Variants in SSU72 observed in about 807,000 individuals in gnomAD.
SSU72 encodes RNA polymerase II subunit A C-terminal domain phosphatase SSU72.
SSU72 carries 12 observed loss-of-function variants against 22.7 expected under a neutral mutation model. That is an observed-to-expected ratio of 0.53 (90% confidence interval 0.34 to 0.86). The LOEUF (loss-of-function observed/expected upper bound fraction) is 0.86. Among genes scored for constraint, SSU72 ranks in the 40% least tolerant of loss-of-function variants. The probability of loss-of-function intolerance (pLI) is 0.02; values close to 1 mark genes in which losing one functional copy is unlikely to be tolerated. For missense variants in SSU72, 151 were observed against 249.8 expected (o/e 0.60, Z 2.67); for synonymous variants, 116 against 98.3 (o/e 1.18, Z -1.06).
intron 2 of SSU72, among the ~76,000 whole-genome samples, chr1:1,557,605 GC>G (rs1305372860): frequency 6.6e-6 from 1 of 151,966 alleles, no homozygotes; most frequent in Non-Finnish European, 1.5e-5. Context: ...GACATGTCTG[GC>G]CAACGTGGTG....
At chr1:1,573,527 T>C (rs1435248079) in intron 1 of SSU72, among the ~76,000 whole-genome samples, 2 of 152,116 alleles carry the variant, frequency 1.3e-5, no homozygotes, top group East Asian at 1.9e-4. Context: ...GGGGTGTTTT[T>C]TGGTCTCCAA....
chr1:1,547,701 G>A (rs1034630610), intron 2 of SSU72, among the ~76,000 whole-genome samples: 13 of 152,210 alleles, frequency 8.5e-5, no homozygotes, highest in Admixed American at 2.0e-4. Context: ...CGGGTGAGGC[G>A]GGGCCTTCAA....
Position 1,545,019 on chromosome 1 carries a change from A to G in SSU72, c.225-17T>C. ...TGTGTATAGCTACACATGGGAGTTA[A>G]GGAACGTCAGAGAAAAGGCATCTGT... is the stretch of plus-strand genomic sequence containing the variant. On this transcript the variant is annotated splice_polypyrimidine_tract_variant and intron_variant, in intron 2 of 4. Transcript: ENST00000291386. 1 of 1,610,234 alleles carries G rather than the reference A, an allele frequency of 6.2e-7. No individual in the cohort carries two copies. The highest frequency in any genetic ancestry group is 8.5e-7 in the Non-Finnish European group (1 of 1,177,200).
chr1:1,550,802 T>C (rs137998682), intron 2 of SSU72, among the ~76,000 whole-genome samples: 596 of 152,134 alleles, frequency 3.9e-3, no homozygotes, highest in Admixed American at 8.6e-3. Flanking sequence ...GGCCTGGTGG[T>C]TCATCAGCAG....
At chr1:1,553,696 C>CAGG (rs1642482283) in intron 2 of SSU72, among the ~76,000 whole-genome samples, 1 of 149,648 alleles carries the variant, frequency 6.7e-6, no homozygotes, top group Non-Finnish European at 1.5e-5. Context: ...GAGGCCAAGG[C>CAGG]AGGAGAATGG....
At chr1:1,574,405 C>A (rs1642781218) in intron 1 of SSU72, 73 bp downstream of exon 1, 1 of 1,493,756 alleles carries the variant, frequency 6.7e-7, no homozygotes, top group East Asian at 2.7e-5. Flanking sequence ...TGGCGCGGGC[C>A]AGGGGGAACC....
At chr1:1,573,265 CAA>C (rs57824669) in intron 1 of SSU72, among the ~76,000 whole-genome samples, 11,111 of 131,248 alleles carry the variant, frequency 0.085, 693 homozygotes, top group Admixed American at 0.19. Flanking sequence ...ACTAAAAATA[CAA>C]AAAAAAAAAA....
intron 1 of SSU72, among the ~76,000 whole-genome samples, chr1:1,573,123 T>C (rs1383645648): frequency 2.0e-5 from 3 of 149,126 alleles, no homozygotes; most frequent in Non-Finnish European, 4.5e-5. Context: ...GCTCCGTCTC[T>C]ACTAAAAATA....
intron 1 of SSU72, 130 bp from the exon 2 acceptor site, chr1:1,565,046 A>G (rs1642641150): frequency 1.5e-6 from 2 of 1,296,904 alleles, no homozygotes; most frequent in African/African-American, 1.5e-5. Flanking sequence ...ATGTCTTCAA[A>G]TTTTTAATCT....
intron 2 of SSU72, 97 bp from the exon 3 acceptor site, chr1:1,545,099 C>A (rs1251286706): frequency 3.5e-6 from 5 of 1,440,052 alleles, no homozygotes; most frequent in African/African-American, 2.8e-5. Context: ...CCCTGCCCCA[C>A]AGCAGAGGCA....
chr1:1,543,591 G>T (rs112703955), intron 4 of SSU72, among the ~76,000 whole-genome samples: 5,230 of 141,118 alleles, frequency 0.037, 518 homozygotes, highest in African/African-American at 0.16. Context: ...CTCAGGTCTC[G>T]GCCACTCCCC....
At position 1,571,565 on chromosome 1, in the gene SSU72, T is replaced by C. The variant is rs539533160; in HGVS notation, c.80+2913A>G. Reference sequence around the variant, plus strand: ...ACTCTCTTCTGAGTCTACTCTTTTATGAGTAAATTTGAATGATGGCGGCAC... The same window carrying C: ...ACTCTCTTCTGAGTCTACTCTTTTACGAGTAAATTTGAATGATGGCGGCAC... On this transcript the variant is annotated intron_variant, in intron 1 of 4. Coordinates refer to ENST00000291386, the MANE Select transcript of SSU72 (RefSeq NM_014188.3). Among the ~76,000 whole-genome samples, 233 of 152,266 alleles carry C rather than the reference T, an allele frequency of 1.5e-3. 1 individual carries two copies. The highest frequency in any genetic ancestry group is 5.3e-3 in the African/African-American group (219 of 41,556).
rs1478660433 is a variant in SSU72 at position 1,554,858 on chromosome 1, C to T, written c.225-9856G>A. Among the ~76,000 whole-genome samples, 2 of 152,166 alleles carry T rather than the reference C, an allele frequency of 1.3e-5. No homozygotes were observed. Among genetic ancestry groups the T allele is most frequent in the African/African-American group, 2.4e-5 (1 of 41,436 alleles). ...TGCCGGCGCCAGCCCCACGTACCCC[C>T]GACCACCTCAGCTCCTGGCCCTCAG... On this transcript the variant is annotated intron_variant, in intron 2 of 4. Transcript: ENST00000291386. This position sits in a 1 kb window ranked among gnomAD's most constrained non-coding sequence, Gnocchi z 4.1.
At chr1:1,556,384 C>G (rs911582105) in intron 2 of SSU72, among the ~76,000 whole-genome samples, 10 of 151,958 alleles carry the variant, frequency 6.6e-5, no homozygotes, top group African/African-American at 2.2e-4. Context: ...ACTAAAAATA[C>G]AAAAAATTAG....
rs1015320123 is a variant in SSU72 at position 1,567,931 on chromosome 1, C to T, written c.81-3015G>A. The stretch of plus-strand genomic sequence containing the variant: ...CTGTTTCAAAAAAAAAAAAAAAAAT[C>T]GCACAAAGAAGCCCAGGATCAGCGT... On this transcript the variant is annotated intron_variant, in intron 1 of 4. Coordinates refer to ENST00000291386, the MANE Select transcript of SSU72 (RefSeq NM_014188.3). Among the ~76,000 whole-genome samples the T allele has an allele frequency of 8.0e-5, 7 of 87,156 alleles. No homozygotes were observed. In the Admixed American group the frequency reaches 8.4e-4, roughly 11 times the overall value. The allele number at this position is 87,156 out of a possible 152,430, so 57.2% of individuals were successfully genotyped here.
rs201396443 is a variant in SSU72, at chr1:1,574,037, AG to A, written c.80+440del. 8.3e-3 allele frequency among the ~76,000 whole-genome samples: 1,250 copies of A among 151,182 alleles called. 57 individuals are homozygous for A. The highest frequency in any genetic ancestry group is 0.075 in the Admixed American group (1,138 of 15,178). ...GATCTTTCGCAAAAAAAAAAAAAGA[AG>A]AAGAAGTAGCAAACACACAAATCCA... On this transcript the variant is annotated intron_variant, in intron 1 of 4. Coordinates refer to ENST00000291386, the MANE Select transcript of SSU72 (RefSeq NM_014188.3).
chr1:1,572,622 A>G (rs1001899364), intron 1 of SSU72, among the ~76,000 whole-genome samples: 14 of 149,196 alleles, frequency 9.4e-5, no homozygotes, highest in African/African-American at 3.0e-4. Flanking sequence ...ACGCCCGGCT[A>G]ATTTTTTTGT....
intron 2 of SSU72, among the ~76,000 whole-genome samples, chr1:1,548,296 C>T (rs1318031264): frequency 2.6e-5 from 4 of 152,216 alleles, no homozygotes; most frequent in African/African-American, 9.6e-5. Flanking sequence ...CGGTGGCTCA[C>T]ACCTGTAATC....
intron 2 of SSU72, chr1:1,561,403 G>A (rs1226725225): frequency 6.6e-6 from 1 of 152,126 alleles, no homozygotes; most frequent in East Asian, 1.9e-4. Context: ...TTGACGCTGT[G>A]AACACTCGAC....
Sources: gnomAD v4.1 joint callset for allele counts (sites outside exome capture counted in the v4.1 genomes callset) on GRCh38, gnomAD v4.1.1 for gene constraint, Gnocchi (gnomAD v3.1) non-coding constraint, MANE v1.5 for transcripts, NCBI Gene and HGNC (gene_info 2026-07-23, HGNC 2026-07-21) for gene names.